ALK: variants seen among roughly 807,000 people sequenced by gnomAD.
The protein encoded by ALK is ALK receptor tyrosine kinase, also known as ALK tyrosine kinase receptor.
ALK carries 74 observed loss-of-function variants against 163.1 expected under a neutral mutation model. That is an observed-to-expected ratio of 0.45 (90% CI 0.38 to 0.55). ALK has a LOEUF of 0.55. Ranked by LOEUF, ALK falls within the 20% of genes least tolerant of loss-of-function variation. The pLI, the probability that ALK is intolerant of heterozygous loss-of-function variation, is 0.00. For missense variants in ALK, 2,063 were observed against 2,105.3 expected (o/e 0.98, Z 0.39); for synonymous variants, 960 against 843.2 (o/e 1.14, Z -2.40).
intron 4 of ALK, among the ~76,000 whole-genome samples, chr2:29,480,723 G>A (rs573997402): frequency 1.6e-4 from 24 of 148,050 alleles, no homozygotes; most frequent in African/African-American, 5.8e-4. Context: ...GGGGCTACAG[G>A]CACTCTCCAG....
chr2:29,813,660 GCC>G (rs949021351), intron 1 of ALK, among the ~76,000 whole-genome samples: 1 of 152,098 alleles, frequency 6.6e-6, no homozygotes, highest in Non-Finnish European at 1.5e-5. Context: ...ACAAATAATG[GCC>G]CACTGTAGTA....
At chr2:29,594,655 C>T (rs944081024) in intron 3 of ALK, among the ~76,000 whole-genome samples, 21 of 152,006 alleles carry the variant, frequency 1.4e-4, no homozygotes, top group African/African-American at 4.1e-4. Context: ...TCTCGAATTC[C>T]TGACCTCATG....
intron 5 of ALK, among the ~76,000 whole-genome samples, chr2:29,344,983 C>T (rs573609661): frequency 2.0e-5 from 3 of 152,320 alleles, no homozygotes; most frequent in African/African-American, 7.2e-5. Context: ...CAGATTCAAA[C>T]ATTTTATTAG....
chr2:29,393,820 C>T (rs1371455114), intron 4 of ALK, among the ~76,000 whole-genome samples: 1 of 152,092 alleles, frequency 6.6e-6, no homozygotes, highest in African/African-American at 2.4e-5. Flanking sequence ...ATGAAATAGG[C>T]AGGAGAACAT....
Position 29,738,610 on chromosome 2 carries a change from G to C in ALK, c.668-20913C>G, listed in dbSNP as rs151275242. 1.5e-3 allele frequency among the ~76,000 whole-genome samples: 223 copies of C among 152,100 alleles called. 4 individuals carry two copies. The highest frequency in any genetic ancestry group is 5.0e-3 in the African/African-American group (207 of 41,412). On this transcript the variant is annotated intron_variant, in intron 1 of 28. Transcript: ENST00000389048. Reference sequence around the variant, plus strand: ...ACGTGTTTTGAATATGTGGACCTTAGGGTTTTTCAATGTGGGAAAAGAGAA... The same window carrying C: ...ACGTGTTTTGAATATGTGGACCTTACGGTTTTTCAATGTGGGAAAAGAGAA...
At chr2:29,207,966 A>C (rs1037726593) in intron 25 of ALK, 3 of 429,822 alleles carry the variant, frequency 7.0e-6, no homozygotes, top group African/African-American at 6.0e-5. Flanking sequence ...GTGTTACAGG[A>C]AGCAGCTTCC....
chr2:29,406,712 C>T (rs1669592858), intron 4 of ALK, among the ~76,000 whole-genome samples: 1 of 151,896 alleles, frequency 6.6e-6, no homozygotes, highest in African/African-American at 2.4e-5. Context: ...CCATCCTGGC[C>T]AACATGGTGA....
At chr2:29,342,714 C>G (rs1667828685) in intron 5 of ALK, among the ~76,000 whole-genome samples, 1 of 152,164 alleles carries the variant, frequency 6.6e-6, no homozygotes, top group Admixed American at 6.5e-5. Flanking sequence ...GCTGAGGCCC[C>G]ATGCAGAGTT....
At chr2:29,476,750 G>C (rs1053149647) in intron 4 of ALK, among the ~76,000 whole-genome samples, 12 of 152,174 alleles carry the variant, frequency 7.9e-5, no homozygotes, top group African/African-American at 2.7e-4. Flanking sequence ...AGAGACCAGG[G>C]AGACAGATTA....
At chr2:29,298,337 T>C (rs1666262342) in intron 8 of ALK, among the ~76,000 whole-genome samples, 1 of 152,232 alleles carries the variant, frequency 6.6e-6, no homozygotes, top group African/African-American at 2.4e-5. Flanking sequence ...TAATTTTTTT[T>C]TCTGGCCTCA....
At chr2:29,216,843 T>G (rs1409676743) in intron 23 of ALK, among the ~76,000 whole-genome samples, 1 of 150,244 alleles carries the variant, frequency 6.7e-6, no homozygotes, top group African/African-American at 2.5e-5. Flanking sequence ...ATGTGCAGTA[T>G]ATATGGTGTG....
intron 1 of ALK, among the ~76,000 whole-genome samples, chr2:29,797,561 C>T (rs1401199281): frequency 6.6e-6 from 1 of 152,178 alleles, no homozygotes; most frequent in Non-Finnish European, 1.5e-5. Flanking sequence ...TCTAGGATCC[C>T]TGAAGGCAGG....
chr2:29,225,427 C>G (rs1197934741), intron 19 of ALK, 34 bp downstream of exon 19: 1 of 1,564,828 alleles, frequency 6.4e-7, no homozygotes, highest in East Asian at 2.3e-5. Flanking sequence ...GCCTTCCTGC[C>G]CCCTTGGGAG....
intron 3 of ALK, among the ~76,000 whole-genome samples, chr2:29,634,724 C>A (rs1676474080): frequency 6.6e-6 from 1 of 152,142 alleles, no homozygotes; most frequent in African/African-American, 2.4e-5. Flanking sequence ...AAGATGTCCA[C>A]ACTAACGACT....
intron 1 of ALK, among the ~76,000 whole-genome samples, chr2:29,748,091 G>C (rs1490233307): frequency 6.6e-6 from 1 of 152,204 alleles, no homozygotes. Context: ...GGGCGGTCAA[G>C]TGGACTTCCC....
chr2:29,697,263 G>A (rs1170073286), intron 2 of ALK, among the ~76,000 whole-genome samples: 1 of 152,150 alleles, frequency 6.6e-6, no homozygotes, highest in Non-Finnish European at 1.5e-5. Context: ...CCTCTCCAGA[G>A]AAGAGGGCCA....
intron 19 of ALK, 54 bp downstream of exon 19, chr2:29,225,407 A>G (rs2148176163): frequency 6.9e-7 from 1 of 1,452,496 alleles, no homozygotes; most frequent in Non-Finnish European, 9.5e-7. Context: ...CTGAGACACT[A>G]TTCAGTCCTG....
intron 1 of ALK, among the ~76,000 whole-genome samples, chr2:29,818,192 T>G (rs1353926620): frequency 4.6e-5 from 7 of 152,230 alleles, no homozygotes. Flanking sequence ...GGAGTTTTGA[T>G]GTGACCCGGA....
At chr2:29,894,556 T>G (rs895946639) in intron 1 of ALK, among the ~76,000 whole-genome samples, 22 of 151,942 alleles carry the variant, frequency 1.4e-4, no homozygotes, top group Non-Finnish European at 3.1e-4. Context: ...GGAAAAAAAC[T>G]ATCAATAACT....
Sources: gnomAD v4.1 joint callset for allele counts (sites outside exome capture counted in the v4.1 genomes callset) on GRCh38, gnomAD v4.1.1 for gene constraint, MANE v1.5 for transcripts, NCBI Gene and HGNC (gene_info 2026-07-23, HGNC 2026-07-21) for gene names.